USP14: variants seen among roughly 807,000 people sequenced by gnomAD.
The protein encoded by USP14 is ubiquitin specific peptidase 14.
A neutral mutation model predicts 76.5 loss-of-function variants in USP14; 38 were observed. The ratio of observed to expected loss-of-function variants is 0.50; its 90% CI spans 0.38 to 0.65. USP14 has a LOEUF of 0.65. Ranked by LOEUF, USP14 falls within the 30% of genes least tolerant of loss-of-function variation. The pLI, the probability that USP14 is intolerant of heterozygous loss-of-function variation, is 0.00. For synonymous variants in USP14, 192 were observed against 191.7 expected (o/e 1.00, Z -0.01); for missense variants, 467 against 586.5 (o/e 0.80, Z 2.10).
At chr18:188,612 A>G (rs1910000455) in intron 5 of USP14, among the ~76,000 whole-genome samples, 1 of 146,574 alleles carries the variant, frequency 6.8e-6, no homozygotes. Context: ...TTTTTATAGG[A>G]CTGATCTGTT....
chr18:177,455 A>T (rs558845730), intron 3 of USP14, among the ~76,000 whole-genome samples: 1 of 150,728 alleles, frequency 6.6e-6, no homozygotes, highest in Admixed American at 6.6e-5. Flanking sequence ...TTCTGTAGTG[A>T]TGGCTTAGTA....
chr18:196,197 T>G (rs1015498620), intron 6 of USP14, among the ~76,000 whole-genome samples: 6 of 151,748 alleles, frequency 4.0e-5, no homozygotes, highest in Admixed American at 1.3e-4. Context: ...GGTGGCATGC[T>G]CCTGTAATCC....
chr18:202,738 C>T (rs1458461332), intron 10 of USP14, 142 bp from the exon 11 acceptor site: 1 of 655,856 alleles, frequency 1.5e-6, no homozygotes, highest in Non-Finnish European at 2.6e-6. Context: ...CAAATTGTGT[C>T]TCAGTGGTAT....
intron 7 of USP14, among the ~76,000 whole-genome samples, 159 bp downstream of exon 7, chr18:196,926 T>TC (rs35399373): frequency 0.65 from 99,031 of 152,042 alleles, 32,357 homozygotes; most frequent in South Asian, 0.78. Flanking sequence ...TCTTAACTGA[T>TC]ATCTGGCTTC....
chr18:173,859 A>G (rs1909547508), intron 3 of USP14, among the ~76,000 whole-genome samples: 1 of 152,202 alleles, frequency 6.6e-6, no homozygotes, highest in African/African-American at 2.4e-5. Flanking sequence ...CTTTGTTGAA[A>G]ATCAGTTGAC....
In USP14 at chr18:202,903, A is replaced by G; in HGVS notation, c.900A>G (p.Lys300=). The G allele has an allele frequency of 6.2e-7, 1 of 1,614,132 alleles. No individual in the cohort carries two copies. The highest frequency in any genetic ancestry group is 2.2e-5 in the East Asian group (1 of 44,862). The change falls in exon 11 of 16, where the codon AAA becomes AAG. Residue 300 remains lysine (K), a synonymous_variant. Coordinates refer to ENST00000261601, the MANE Select transcript of USP14 (RefSeq NM_005151.4). ...LKLRLQEEIT[K]QSPTLQRNAL... ...AGCGACTTCAGGAAGAAATCACCAA[A>G]CAGTCTCCAACGTTGCAAAGAAATG...
intron 13 of USP14, among the ~76,000 whole-genome samples, chr18:206,303 G>A (rs1194062326): frequency 2.6e-5 from 4 of 152,220 alleles, no homozygotes; most frequent in Non-Finnish European, 4.4e-5. Context: ...CCTAGTGGCT[G>A]ATGAAGTTGA....
chr18:158,632 C>T lies in USP14; in HGVS notation c.-67C>T, dbSNP rs1323903274. 6.0e-6 allele frequency: 9 copies of T among 1,494,558 alleles called. No individual in the cohort carries two copies. The highest frequency in any genetic ancestry group is 2.1e-5 in the Admixed American group (1 of 48,540). 92.6% of individuals were successfully genotyped at this position (1,494,558 alleles called of 1,614,324 possible). ...GGCCGCCGCCGCAGCTGCTCCTGGT[C>T]CCCGTCCCTTTGCCGCCCTCGTCAG... On this transcript the variant is annotated 5_prime_UTR_variant, in exon 1 of 16. Coordinates refer to ENST00000261601, the MANE Select transcript of USP14 (RefSeq NM_005151.4).
Position 204,697 on chromosome 18 carries a change from G to A in USP14, c.1164+5G>A. The A allele has an allele frequency of 6.2e-7, 1 of 1,609,646 alleles. No homozygotes were observed. The highest frequency in any genetic ancestry group is 8.5e-7 in the Non-Finnish European group (1 of 1,178,914). ...GTGAATCAGCAGCCAAATACAGTAGGTTCTTACTGCTGACTTTATACTCTT... is the reference window on the plus strand; with the variant it reads ...GTGAATCAGCAGCCAAATACAGTAGATTCTTACTGCTGACTTTATACTCTT... On this transcript the variant is annotated splice_donor_5th_base_variant and intron_variant, in intron 13 of 15. Transcript: ENST00000261601.
At chr18:163,890 CTGTCTATG>C (rs1260293962) in intron 2 of USP14, among the ~76,000 whole-genome samples, 4 of 151,342 alleles carry the variant, frequency 2.6e-5, no homozygotes, top group Admixed American at 6.6e-5. Context: ...TCTTTTGTTC[CTGTCTATG>C]TGTCTATGTG....
intron 3 of USP14, among the ~76,000 whole-genome samples, chr18:167,244 T>C (rs1327687693): frequency 6.6e-6 from 1 of 152,184 alleles, no homozygotes; most frequent in Non-Finnish European, 1.5e-5. Flanking sequence ...ATCGTGCCAC[T>C]GCACTCCAGC....
chr18:171,460 C>T (rs1213093794), intron 3 of USP14, among the ~76,000 whole-genome samples: 2 of 152,046 alleles, frequency 1.3e-5, no homozygotes, highest in Non-Finnish European at 2.9e-5. Context: ...ACAACAAAGC[C>T]CAGATGCCAG....
At chr18:166,248 G>A (rs1043970854) in intron 2 of USP14, among the ~76,000 whole-genome samples, 3 of 152,056 alleles carry the variant, frequency 2.0e-5, no homozygotes, top group African/African-American at 7.2e-5. Flanking sequence ...GTAAATACAG[G>A]TTACTGCCTT....
intron 3 of USP14, among the ~76,000 whole-genome samples, chr18:171,000 C>A (rs1426599074): frequency 9.4e-6 from 1 of 106,630 alleles, no homozygotes; most frequent in African/African-American, 3.8e-5. Flanking sequence ...GGACATGTAC[C>A]CTGGAACTTA....
At chr18:164,637 A>G (rs1021774116) in intron 2 of USP14, among the ~76,000 whole-genome samples, 2 of 151,986 alleles carry the variant, frequency 1.3e-5, no homozygotes, top group Non-Finnish European at 2.9e-5. Context: ...TATTTTTAGT[A>G]GAGATGGGGT....
At chr18:206,038 A>G (rs1321584142) in intron 13 of USP14, among the ~76,000 whole-genome samples, 1 of 152,248 alleles carries the variant, frequency 6.6e-6, no homozygotes, top group Non-Finnish European at 1.5e-5. Flanking sequence ...TACAGGTTTT[A>G]ATGTAAACGT....
chr18:210,161 A>G, intron 14 of USP14, 130 bp downstream of exon 14: 2 of 804,192 alleles, frequency 2.5e-6, no homozygotes, highest in South Asian at 3.9e-5. Flanking sequence ...TGAACAATTT[A>G]CCTTAATGAC....
chr18:202,397 C>T (rs1054938817), intron 10 of USP14, among the ~76,000 whole-genome samples: 3 of 152,216 alleles, frequency 2.0e-5, no homozygotes, highest in Non-Finnish European at 4.4e-5. Context: ...TTTCCCACAT[C>T]TGTTAGGTTA....
chr18:210,337 C>T (rs763466662), intron 14 of USP14, 49 bp from the exon 15 acceptor site: 91 of 1,325,720 alleles, frequency 6.9e-5, no homozygotes, highest in Non-Finnish European at 8.5e-5. Flanking sequence ...CTTGAGAAGG[C>T]ACATGTCTAT....
Sources: gnomAD v4.1 joint callset for allele counts (sites outside exome capture counted in the v4.1 genomes callset) on GRCh38, gnomAD v4.1.1 for gene constraint, MANE v1.5 for transcripts, NCBI Gene and HGNC (gene_info 2026-07-23, HGNC 2026-07-21) for gene names.